Variants in THSD7A observed in about 807,000 individuals in gnomAD.
THSD7A encodes the protein thrombospondin type 1 domain containing 7A.
In THSD7A, 96 loss-of-function variants were observed where a neutral mutation model predicts 231.3. The ratio of observed to expected loss-of-function variants is 0.41; its 90% CI spans 0.35 to 0.49. THSD7A has a LOEUF of 0.49. Ranked by LOEUF, THSD7A falls within the 20% of genes least tolerant of loss-of-function variation. The pLI is 0.05. For synonymous variants in THSD7A, 940 were observed against 743.3 expected (o/e 1.26, Z -4.30); for missense variants, 2,290 against 2,070.2 (o/e 1.11, Z -2.06).
chr7:11,403,255 T>C (rs1783470222), intron 22 of THSD7A, among the ~76,000 whole-genome samples: 1 of 152,174 alleles, frequency 6.6e-6, no homozygotes, highest in Non-Finnish European at 1.5e-5. Flanking sequence ...GGAGATCTGA[T>C]TAATGGAAAA....
At chr7:11,583,798 AATG>A (rs1791274660) in intron 4 of THSD7A, among the ~76,000 whole-genome samples, 1 of 152,090 alleles carries the variant, frequency 6.6e-6, no homozygotes, top group South Asian at 2.1e-4. Context: ...GTACCAGTGG[AATG>A]ATATAATTTC....
intron 1 of THSD7A, among the ~76,000 whole-genome samples, chr7:11,827,231 AAAC>A (rs1192773744): frequency 6.6e-6 from 1 of 152,232 alleles, no homozygotes; most frequent in Non-Finnish European, 1.5e-5. Flanking sequence ...CCTCCTCATA[AAAC>A]AACAACATTG....
At chr7:11,561,411 C>T (rs1790071431) in intron 4 of THSD7A, among the ~76,000 whole-genome samples, 1 of 152,270 alleles carries the variant, frequency 6.6e-6, no homozygotes, top group African/African-American at 2.4e-5. Flanking sequence ...AATTTTCCTT[C>T]TGCTAGATAC....
intron 1 of THSD7A, among the ~76,000 whole-genome samples, chr7:11,782,384 G>A (rs570566103): frequency 6.6e-6 from 1 of 152,144 alleles, no homozygotes; most frequent in African/African-American, 2.4e-5. Context: ...AAAAGATAAA[G>A]AAAGCTTTTA....
chr7:11,588,510 G>T (rs1780011382), intron 4 of THSD7A, among the ~76,000 whole-genome samples: 1 of 151,912 alleles, frequency 6.6e-6, no homozygotes, highest in Non-Finnish European at 1.5e-5. Flanking sequence ...CTTTGCTTTG[G>T]CATTTGCTTT....
Position 11,373,055 on chromosome 7 carries a change from A to G in THSD7A, c.*2739T>C, listed in dbSNP as rs1333067193. The G allele has an allele frequency of 7.2e-6, 1 of 138,852 alleles. No homozygotes were observed. Among genetic ancestry groups the G allele is most frequent in the Non-Finnish European group, 1.6e-5 (1 of 63,590 alleles). The allele number at this position is 138,852 out of a possible 1,614,324, so 8.6% of individuals were successfully genotyped here. A position where few individuals can be genotyped will look rare whatever the true frequency, so the allele number is the denominator to read the frequency against. On this transcript the variant is annotated 3_prime_UTR_variant, in exon 28 of 28. Coordinates refer to ENST00000423059, the MANE Select transcript of THSD7A (RefSeq NM_015204.3). ...ACCTAATTTCCTCTCTCTCATATATATGGGTGTGTGTGTGTGTGTGTGTAT... is the reference window on the plus strand; with the variant it reads ...ACCTAATTTCCTCTCTCTCATATATGTGGGTGTGTGTGTGTGTGTGTGTAT...
At chr7:11,744,829 T>G (rs1249063533) in intron 1 of THSD7A, among the ~76,000 whole-genome samples, 1 of 152,126 alleles carries the variant, frequency 6.6e-6, no homozygotes, top group Non-Finnish European at 1.5e-5. Flanking sequence ...ATTTTCTTAA[T>G]CCAGTCTATC....
chr7:11,539,547 G>A (rs968061656), intron 6 of THSD7A, among the ~76,000 whole-genome samples: 26 of 152,146 alleles, frequency 1.7e-4, no homozygotes, highest in Non-Finnish European at 4.4e-5. Flanking sequence ...AACATACATT[G>A]CCAGTACAAC....
chr7:11,545,148 A>G (rs28744593), intron 4 of THSD7A, among the ~76,000 whole-genome samples: 74,397 of 152,022 alleles, frequency 0.49, 18,560 homozygotes, highest in Admixed American at 0.61. Flanking sequence ...TTAGCTGCAA[A>G]TTAACATAAG....
At chr7:11,384,712 A>T (rs573725187) in intron 23 of THSD7A, 11 of 151,954 alleles carry the variant, frequency 7.2e-5, no homozygotes, top group Admixed American at 5.3e-4. Context: ...TTGTTGATCA[A>T]TTACCCTTTT....
At chr7:11,525,906 C>T (rs1788454627) in intron 6 of THSD7A, among the ~76,000 whole-genome samples, 1 of 152,126 alleles carries the variant, frequency 6.6e-6, no homozygotes, top group Non-Finnish European at 1.5e-5. Flanking sequence ...AGCAAGAGAA[C>T]ATCAGCAGCA....
chr7:11,722,831 G>A (rs960188529), intron 1 of THSD7A, among the ~76,000 whole-genome samples: 6 of 151,936 alleles, frequency 3.9e-5, no homozygotes, highest in Admixed American at 3.3e-4. Flanking sequence ...GAAACAACAC[G>A]TGCTGGAGAG....
intron 4 of THSD7A, among the ~76,000 whole-genome samples, chr7:11,564,501 G>A (rs1790220093): frequency 6.6e-6 from 1 of 152,194 alleles, no homozygotes; most frequent in Non-Finnish European, 1.5e-5. Flanking sequence ...CCTTGCCAGG[G>A]TCCCTTCCTA....
rs192955441 is a variant in THSD7A, at chr7:11,822,341, C to T, written c.190+9416G>A. The stretch of plus-strand genomic sequence containing the variant: ...AGCTGGTTTCACTTAAGTTAAAGAC[C>T]TCTAGTTCTATCCACATTGCTGCCA... On this transcript the variant is annotated intron_variant, in intron 1 of 27. Transcript: ENST00000423059. Among the ~76,000 whole-genome samples the T allele has an allele frequency of 2.0e-5, 3 of 152,114 alleles. No individual in the cohort carries two copies. The East Asian group carries it at 5.8e-4, about 29-fold the overall frequency.
chr7:11,488,311 C>A (rs1011941100), intron 6 of THSD7A, among the ~76,000 whole-genome samples: 1 of 151,920 alleles, frequency 6.6e-6, no homozygotes, highest in Non-Finnish European at 1.5e-5. Flanking sequence ...TAAAAGTTTA[C>A]AAAAGAATTA....
At chr7:11,736,876 G>C (rs1451296110) in intron 1 of THSD7A, among the ~76,000 whole-genome samples, 4 of 152,008 alleles carry the variant, frequency 2.6e-5, no homozygotes, top group African/African-American at 7.2e-5. Context: ...TCTGGTGGGA[G>C]ATAATTGAAT....
rs1013017607 is a variant in THSD7A, at chr7:11,474,117, A to G, written c.2252+217T>C. ...TACTATAAAACAGAGAGTAGGCACC[A>G]GATAGAAAGATTTCTACAGAATTTA... On this transcript the variant is annotated intron_variant, in intron 8 of 27. Transcript: ENST00000423059. The surrounding 1 kb of genome is among the most constrained non-coding windows in gnomAD (Gnocchi z 4.1). Among the ~76,000 whole-genome samples the G allele has an allele frequency of 3.8e-4, 58 of 152,200 alleles. No individual in the cohort carries two copies. Among genetic ancestry groups the G allele is most frequent in the African/African-American group, 1.4e-3 (57 of 41,464 alleles).
intron 1 of THSD7A, among the ~76,000 whole-genome samples, chr7:11,788,473 T>G (rs1205429920): frequency 6.6e-6 from 1 of 152,080 alleles, no homozygotes; most frequent in East Asian, 1.9e-4. Context: ...GAGCCTCTTG[T>G]TATTATTCAC....
chr7:11,513,990 G>T (rs1380907696), intron 6 of THSD7A, among the ~76,000 whole-genome samples: 1 of 150,828 alleles, frequency 6.6e-6, no homozygotes, highest in Non-Finnish European at 1.5e-5. Flanking sequence ...CAGACATCCT[G>T]CCTCCTGCCA....
Sources: gnomAD v4.1 joint callset for allele counts (sites outside exome capture counted in the v4.1 genomes callset) on GRCh38, gnomAD v4.1.1 for gene constraint, Gnocchi (gnomAD v3.1) non-coding constraint, MANE v1.5 for transcripts, NCBI Gene and HGNC (gene_info 2026-07-23, HGNC 2026-07-21) for gene names.